The following PCDH15 variants were observed in gnomAD, a reference collection of about 807,000 sequenced individuals.
PCDH15 encodes protocadherin related 15, also known as protocadherin-15.
A neutral mutation model predicts 178.5 loss-of-function variants in PCDH15; 129 were observed. That is an observed-to-expected ratio of 0.72 (90% confidence interval 0.63 to 0.84). The LOEUF (loss-of-function observed/expected upper bound fraction) is 0.84, where lower values mean the gene tolerates loss of function less well. PCDH15 is among the 40% of genes least tolerant of loss of function. The probability of loss-of-function intolerance (pLI) is 0.00; values close to 1 mark genes in which losing one functional copy is unlikely to be tolerated. For synonymous variants in PCDH15, 800 were observed against 732.0 expected (o/e 1.09, Z -1.50); for missense variants, 2,230 against 2,099.9 (o/e 1.06, Z -1.21).
intron 1 of PCDH15, among the ~76,000 whole-genome samples, chr10:54,702,908 C>T (rs911627251): frequency 6.6e-6 from 1 of 151,814 alleles, no homozygotes; most frequent in African/African-American, 2.4e-5. Context: ...ACAACAATAA[C>T]AACAAAAGAA....
intron 2 of PCDH15, among the ~76,000 whole-genome samples, chr10:54,636,161 A>G (rs936027163): frequency 6.6e-6 from 1 of 152,010 alleles, no homozygotes; most frequent in Admixed American, 6.6e-5. Flanking sequence ...TTGGAACTTA[A>G]AGGTAAAACA....
Position 54,648,151 on chromosome 10 carries a change from T to G in PCDH15, c.91+16021A>C, listed in dbSNP as rs999050012. 2.0e-5 allele frequency among the ~76,000 whole-genome samples: 3 copies of G among 152,092 alleles called. No homozygotes were observed. The South Asian group carries it at 6.2e-4, about 31-fold the overall frequency. ...TAATTCCAAGGGGTTCCTCTGATAA[T>G]CTAAAGTAAAATGTATTCTAAGAAA... is the stretch of plus-strand genomic sequence containing the variant. On this transcript the variant is annotated intron_variant, in intron 2 of 37. Coordinates refer to ENST00000644397, the MANE Select transcript of PCDH15 (RefSeq NM_001384140.1).
chr10:54,382,095 T>C (rs1949304152), intron 3 of PCDH15, among the ~76,000 whole-genome samples: 1 of 152,160 alleles, frequency 6.6e-6, no homozygotes, highest in Non-Finnish European at 1.5e-5. Flanking sequence ...TAAATATTTA[T>C]TGACATTTTC....
chr10:54,176,605 A>G (rs972482), intron 13 of PCDH15, among the ~76,000 whole-genome samples: 66,291 of 151,992 alleles, frequency 0.44, 16,127 homozygotes, highest in African/African-American at 0.63. Flanking sequence ...TAAGAGTATT[A>G]CATAGATGTC....
chr10:55,087,816 G>A (rs888995564), intron 2 of PCDH15, among the ~76,000 whole-genome samples: 3 of 151,994 alleles, frequency 2.0e-5, no homozygotes, highest in African/African-American at 7.2e-5. Flanking sequence ...CTTTATAGTT[G>A]CAGGAAAAAA....
At position 54,787,618 on chromosome 10, in the gene PCDH15, G is replaced by A. The variant is rs1350801512; in HGVS notation, c.-29+13307C>T. On this transcript the variant is annotated intron_variant, in intron 1 of 37. Coordinates refer to ENST00000644397, the MANE Select transcript of PCDH15 (RefSeq NM_001384140.1). ...GTGCAGAACATGACAGGATGAGCCA[G>A]TATGGACTTTTCACCTTCCCTTCAT... is the stretch of plus-strand genomic sequence containing the variant. 3.3e-5 allele frequency among the ~76,000 whole-genome samples: 5 copies of A among 151,964 alleles called. No individual in the cohort carries two copies. In the East Asian group the frequency reaches 7.8e-4, roughly 24 times the overall value.
chr10:55,231,789 A>G (rs1463237556), intron 1 of PCDH15, among the ~76,000 whole-genome samples: 1 of 152,010 alleles, frequency 6.6e-6, no homozygotes, highest in Non-Finnish European at 1.5e-5. Context: ...ATCTTGTGAC[A>G]TCTTTGAAAT....
At chr10:53,857,785 A>G in intron 27 of PCDH15, among the ~76,000 whole-genome samples, 1 of 152,208 alleles carries the variant, frequency 6.6e-6, no homozygotes, top group Admixed American at 6.6e-5. Context: ...AGAACTTTAC[A>G]TATGGGTTAA....
chr10:53,814,887 C>G (rs1396670756), intron 35 of PCDH15, among the ~76,000 whole-genome samples: 1 of 151,658 alleles, frequency 6.6e-6, no homozygotes, highest in Non-Finnish European at 1.5e-5. Flanking sequence ...TCGCTTGAAC[C>G]CAGGAGGTGG....
chr10:54,936,261 AT>A (rs1380552666), intron 2 of PCDH15, among the ~76,000 whole-genome samples: 1 of 152,068 alleles, frequency 6.6e-6, no homozygotes, highest in Admixed American at 6.6e-5. Flanking sequence ...GATATACTAC[AT>A]TATATATGTC....
In PCDH15 at chr10:53,822,181, T is replaced by C. The variant is rs1406310424; in HGVS notation, c.4368-1951A>G. On this transcript the variant is annotated intron_variant, in intron 32 of 37. Coordinates refer to ENST00000644397, the MANE Select transcript of PCDH15 (RefSeq NM_001384140.1). The stretch of plus-strand genomic sequence containing the variant: ...TTCTCGGCAGGCATCAAGTTGGTCG[T>C]GCATTTAACACCTGTTATACAGACA... The C allele has an allele frequency of 3.1e-6, 5 of 1,613,870 alleles. No homozygotes were observed. In the African/African-American group the frequency reaches 4.0e-5, roughly 13 times the overall value.
chr10:53,998,545 T>C (rs2091964441), intron 20 of PCDH15, among the ~76,000 whole-genome samples: 1 of 152,176 alleles, frequency 6.6e-6, no homozygotes, highest in Admixed American at 6.5e-5. Flanking sequence ...GGAATCTTTT[T>C]AATGATCATG....
At chr10:55,549,843 A>C (rs774355726) in intron 2 of PCDH15, among the ~76,000 whole-genome samples, 1 of 152,120 alleles carries the variant, frequency 6.6e-6, no homozygotes, top group Non-Finnish European at 1.5e-5. Flanking sequence ...ATCATTGTCA[A>C]TTGGTACGAC....
At chr10:54,309,361 C>T (rs1480769960) in intron 8 of PCDH15, among the ~76,000 whole-genome samples, 2 of 150,038 alleles carry the variant, frequency 1.3e-5, no homozygotes, top group African/African-American at 2.5e-5. Flanking sequence ...ACACACTTCA[C>T]ATATGTACCT....
intron 2 of PCDH15, among the ~76,000 whole-genome samples, chr10:55,389,465 C>A (rs1280413708): frequency 6.6e-6 from 1 of 151,818 alleles, no homozygotes; most frequent in East Asian, 1.9e-4. Context: ...TGTATTATTC[C>A]TTTGAGACAT....
At chr10:53,851,266 C>CT (rs1252048458) in intron 28 of PCDH15, among the ~76,000 whole-genome samples, 1 of 151,964 alleles carries the variant, frequency 6.6e-6, no homozygotes, top group Non-Finnish European at 1.5e-5. Context: ...ATTTATCTGT[C>CT]TTTATTACAG....
At chr10:54,428,041 G>C (rs11816348) in intron 3 of PCDH15, among the ~76,000 whole-genome samples, 21,902 of 152,136 alleles carry the variant, frequency 0.14, 1,676 homozygotes, top group Middle Eastern at 0.24. Flanking sequence ...TCTTGAAGCC[G>C]ATATAAGAGA....
intron 8 of PCDH15, among the ~76,000 whole-genome samples, chr10:54,258,902 A>G (rs1441757440): frequency 6.6e-6 from 1 of 152,120 alleles, no homozygotes; most frequent in Non-Finnish European, 1.5e-5. Flanking sequence ...TTCGTTTTGC[A>G]TTTATTTCTT....
chr10:54,059,933 A>G (rs930980896), intron 18 of PCDH15, among the ~76,000 whole-genome samples: 4 of 152,220 alleles, frequency 2.6e-5, no homozygotes, highest in African/African-American at 9.6e-5. Flanking sequence ...TTTTTACTAG[A>G]GCTGTCAGTC....
Sources: allele counts gnomAD v4.1 joint callset (sites outside exome capture counted in the v4.1 genomes callset), GRCh38; gene constraint gnomAD v4.1.1; transcripts MANE v1.5; gene names NCBI Gene and HGNC (gene_info 2026-07-23, HGNC 2026-07-21).